The following NDUFA10 variants were observed in gnomAD, a reference collection of about 807,000 sequenced individuals.
The protein encoded by NDUFA10 is NADH:ubiquinone oxidoreductase subunit A10.
Under a neutral mutation model 47.8 loss-of-function variants are expected in NDUFA10, and 40 were observed. The ratio of observed to expected loss-of-function variants is 0.84; its 90% CI spans 0.65 to 1.09. The LOEUF (loss-of-function observed/expected upper bound fraction) is 1.09, where lower values mean the gene tolerates loss of function less well. Ranked by LOEUF, NDUFA10 falls within the 50% of genes least tolerant of loss-of-function variation. NDUFA10 has a pLI of 0.00. For synonymous variants in NDUFA10, 183 were observed against 172.2 expected (o/e 1.06, Z -0.49); for missense variants, 413 against 451.1 (o/e 0.92, Z 0.76).
At chr2:240,004,518 C>G (rs1026973811) in intron 8 of NDUFA10, among the ~76,000 whole-genome samples, 7 of 143,962 alleles carry the variant, frequency 4.9e-5, no homozygotes, top group African/African-American at 1.7e-4. Flanking sequence ...CCCTCCTAGT[C>G]CTACCCCCTT....
chr2:240,017,669 T>A, intron 4 of NDUFA10: 5 of 657,690 alleles, frequency 7.6e-6, no homozygotes, highest in Non-Finnish European at 1.1e-5. Context: ...CCTGACCCGC[T>A]GCTCAGCATG....
chr2:239,903,510 A>G (rs1448659725), intron 4 of NDUFA10, among the ~76,000 whole-genome samples: 1 of 152,220 alleles, frequency 6.6e-6, no homozygotes, highest in South Asian at 2.1e-4. Flanking sequence ...GCTCTGGGTG[A>G]AAGTCTGTTT....
intron 6 of NDUFA10, among the ~76,000 whole-genome samples, chr2:240,010,644 C>A (rs1483268220): frequency 6.6e-6 from 1 of 151,818 alleles, no homozygotes; most frequent in Non-Finnish European, 1.5e-5. Flanking sequence ...AAGAAAGAAA[C>A]GCTCACCACA....
At position 239,959,941 on chromosome 2, in the gene NDUFA10, C is replaced by A. The variant is rs1020030582; in HGVS notation, c.*1177G>T. 1 of 985,498 alleles carries A rather than the reference C, an allele frequency of 1.0e-6. No homozygotes were observed. Among genetic ancestry groups the A allele is most frequent in the Middle Eastern group, 5.2e-4 (1 of 1,914 alleles). 61.0% of individuals were successfully genotyped at this position (985,498 alleles called of 1,614,324 possible). A position where few individuals can be genotyped will look rare whatever the true frequency, so the allele number is the denominator to read the frequency against. On this transcript the variant is annotated 3_prime_UTR_variant, in exon 10 of 10. Coordinates refer to ENST00000252711, the MANE Select transcript of NDUFA10 (RefSeq NM_004544.4). ...GCAGCGAGGCCTGGTAGAGCTTCCG[C>A]GGGGAGCAGAGCATCGTCCTCTGCA... is the stretch of plus-strand genomic sequence containing the variant.
intron 4 of NDUFA10, among the ~76,000 whole-genome samples, chr2:239,903,382 C>A (rs1693589212): frequency 6.6e-6 from 1 of 152,182 alleles, no homozygotes; most frequent in South Asian, 2.1e-4. Context: ...AGGGCCTTGG[C>A]CACCTCAGCC....
intron 5 of NDUFA10, chr2:240,014,411 C>A: frequency 2.6e-6 from 1 of 388,564 alleles, no homozygotes; most frequent in South Asian, 2.3e-5. Context: ...CATCAGAGAA[C>A]AGAAAGGTAC....
chr2:239,895,972 T>C (rs974844813), intron 4 of NDUFA10, among the ~76,000 whole-genome samples: 2 of 152,184 alleles, frequency 1.3e-5, no homozygotes, highest in Non-Finnish European at 2.9e-5. Context: ...TACACGAAAG[T>C]AGAATAAGTA....
At chr2:239,951,835 G>A (rs999186285) in intron 4 of NDUFA10, among the ~76,000 whole-genome samples, 4 of 152,260 alleles carry the variant, frequency 2.6e-5, no homozygotes, top group African/African-American at 9.6e-5. Context: ...ACGGCACACC[G>A]AGGCCTCCGG....
At chr2:239,900,579 G>GGAA (rs1553552815) in intron 4 of NDUFA10, among the ~76,000 whole-genome samples, 3 of 148,194 alleles carry the variant, frequency 2.0e-5, no homozygotes, top group East Asian at 2.0e-4. Flanking sequence ...TCTTCCATAG[G>GGAA]AAAAAAAAAA....
intron 5 of NDUFA10, chr2:240,012,003 T>C (rs959812158): frequency 1.0e-5 from 4 of 381,876 alleles, no homozygotes; most frequent in African/African-American, 8.3e-5. Flanking sequence ...CTTTCCTGTC[T>C]GCCTCGTGCC....
chr2:239,970,843 G>C (rs1695277310), intron 9 of NDUFA10, among the ~76,000 whole-genome samples: 1 of 152,238 alleles, frequency 6.6e-6, no homozygotes, highest in Non-Finnish European at 1.5e-5. Context: ...CTTAGGAAAA[G>C]ATGTAAATGT....
At chr2:239,970,814 A>G (rs1695276620) in intron 9 of NDUFA10, among the ~76,000 whole-genome samples, 1 of 152,272 alleles carries the variant, frequency 6.6e-6, no homozygotes, top group Non-Finnish European at 1.5e-5. Context: ...ATTACAGTAC[A>G]TAACCATTCT....
chr2:239,910,637 A>G (rs1367847552), intron 4 of NDUFA10, among the ~76,000 whole-genome samples: 3 of 152,096 alleles, frequency 2.0e-5, no homozygotes, highest in Non-Finnish European at 4.4e-5. Flanking sequence ...TGATGGGATG[A>G]TGTGTGCAGC....
intron 4 of NDUFA10, among the ~76,000 whole-genome samples, chr2:239,947,592 A>G (rs1298346413): frequency 6.6e-6 from 1 of 152,148 alleles, no homozygotes; most frequent in Non-Finnish European, 1.5e-5. Context: ...GGCCCAGAGC[A>G]AGCCCCGCCC....
At chr2:240,018,199 A>G (rs1157377104) in intron 4 of NDUFA10, among the ~76,000 whole-genome samples, 2 of 152,338 alleles carry the variant, frequency 1.3e-5, no homozygotes, top group East Asian at 1.9e-4. Context: ...TAGAAACTGG[A>G]AAGTCTGTTA....
In NDUFA10 at chr2:239,970,574, T is replaced by C. The variant is rs116364754; in HGVS notation, c.1000-9388A>G. On this transcript the variant is annotated intron_variant, in intron 9 of 9. Transcript: ENST00000252711. The stretch of plus-strand genomic sequence containing the variant: ...TTAAAGCCAAAATCACAACAGTCCA[T>C]TGTGTGGTTTCTGTGAAAGTATATG... Among the ~76,000 whole-genome samples the C allele has an allele frequency of 1.6e-3, 249 of 152,338 alleles. 1 individual carries two copies. The highest frequency in any genetic ancestry group is 5.8e-3 in the African/African-American group (243 of 41,586).
At chr2:239,951,586 T>A (rs953920838) in intron 4 of NDUFA10, among the ~76,000 whole-genome samples, 4 of 152,092 alleles carry the variant, frequency 2.6e-5, no homozygotes, top group African/African-American at 9.7e-5. Context: ...TGCCGGACAC[T>A]GAGAAGCAGC....
intron 4 of NDUFA10, among the ~76,000 whole-genome samples, chr2:239,951,388 G>A (rs531894141): frequency 1.3e-5 from 2 of 152,330 alleles, no homozygotes; most frequent in East Asian, 3.9e-4. Context: ...GTCGAAGGTG[G>A]TTGAGATTGG....
At chr2:239,929,652 CT>C (rs1694126678) in intron 4 of NDUFA10, among the ~76,000 whole-genome samples, 1 of 151,422 alleles carries the variant, frequency 6.6e-6, no homozygotes, top group African/African-American at 2.4e-5. Context: ...TCCACCGCCC[CT>C]GCTTCTCCAC....
Sources: gnomAD v4.1 joint callset for allele counts (sites outside exome capture counted in the v4.1 genomes callset) on GRCh38, gnomAD v4.1.1 for gene constraint, MANE v1.5 for transcripts, NCBI Gene and HGNC (gene_info 2026-07-23, HGNC 2026-07-21) for gene names.